Variants in DEPDC7 observed in about 807,000 individuals in gnomAD.
DEPDC7 encodes the protein DEP domain containing 7.
A neutral mutation model predicts 56.6 loss-of-function variants in DEPDC7; 41 were observed. The observed-to-expected ratio is 0.72, with a 90% CI of 0.56 to 0.94. The LOEUF is 0.94. Among genes scored for constraint, DEPDC7 ranks in the 40% least tolerant of loss-of-function variants. The probability of loss-of-function intolerance (pLI) is 0.00; values close to 1 mark genes in which losing one functional copy is unlikely to be tolerated. For synonymous variants in DEPDC7, 185 were observed against 208.8 expected (o/e 0.89, Z 0.98); for missense variants, 522 against 596.3 (o/e 0.88, Z 1.30).
intron 3 of DEPDC7, 164 bp downstream of exon 3, chr11:33,027,977 C>A: frequency 1.6e-6 from 1 of 633,910 alleles, no homozygotes; most frequent in Non-Finnish European, 2.4e-6. Context: ...AGTCTATTAT[C>A]TTTAACAAAT....
At position 33,032,791 on chromosome 11, in the gene DEPDC7, A is replaced by G. The variant is rs772493195; in HGVS notation, c.1261A>G (p.Lys421Glu). ...FLMDHQKDVF[K>E]IPGTLHKIVS... ...AATGGATCATCAGAAAGATGTTTTTAAGGTAAAATTGTGAAAGTAGTTAAA... is the reference window on the plus strand; with the variant it reads ...AATGGATCATCAGAAAGATGTTTTTGAGGTAAAATTGTGAAAGTAGTTAAA... Residue 421 changes from lysine (K) to glutamate (E), a missense_variant and splice_region_variant, in exon 7 of 9, where the codon AAG (lysine) becomes GAG (glutamate). Lys to Glu is a moderately conservative substitution (Grantham distance 56, BLOSUM62 1). Transcript: ENST00000241051. 14 of 1,594,524 alleles carry G rather than the reference A, an allele frequency of 8.8e-6. No individual in the cohort carries two copies. The African/African-American group carries it at 1.4e-4, about 15-fold the overall frequency.
intron 4 of DEPDC7, among the ~76,000 whole-genome samples, chr11:33,030,825 C>T (rs1171097235): frequency 6.6e-6 from 1 of 152,192 alleles, no homozygotes; most frequent in East Asian, 1.9e-4. Context: ...CTCATGTGAT[C>T]CACCTGCCTC....
At chr11:33,016,708 T>C (rs1853466865) in intron 1 of DEPDC7, 2 of 860,492 alleles carry the variant, frequency 2.3e-6, no homozygotes, top group Admixed American at 2.3e-5. Flanking sequence ...ATCGTGTCTT[T>C]TGGGGGCAGT....
chr11:33,033,158 C>A lies in DEPDC7; in HGVS notation c.1343-104C>A. ...TGCTTACCATCTTCAGTGCATATTACAAAATGGGGAAGAAAAACATAAAGA... is the reference window on the plus strand; with the variant it reads ...TGCTTACCATCTTCAGTGCATATTAAAAAATGGGGAAGAAAAACATAAAGA... On this transcript the variant is annotated intron_variant, in intron 8 of 8. Transcript: ENST00000241051. 8 of 1,020,670 alleles carry A rather than the reference C, an allele frequency of 7.8e-6. No homozygotes were observed. The South Asian group carries it at 1.1e-4, about 14-fold the overall frequency. The allele number at this position is 1,020,670 out of a possible 1,614,324, so 63.2% of individuals were successfully genotyped here.
In DEPDC7 at chr11:33,027,774, T is replaced by C; in HGVS notation, c.553T>C (p.Ser185Pro). 6.3e-7 allele frequency: 1 copy of C among 1,576,666 alleles called. No homozygotes were observed. The highest frequency in any genetic ancestry group is 1.9e-5 in the Admixed American group (1 of 52,216). Residue 185 changes from serine to proline, a missense_variant, in exon 3 of 9, where the codon TCC (serine) becomes CCC (proline). Coordinates refer to ENST00000241051, the MANE Select transcript of DEPDC7 (RefSeq NM_001077242.2). ...AAATCTGAGTTTAAAGCCTGCCAACTCCCCTCATGTAAATATCTCTGCAAC... is the reference window on the plus strand; with the variant it reads ...AAATCTGAGTTTAAAGCCTGCCAACCCCCCTCATGTAAATATCTCTGCAAC... ...WENLSLKPAN[S>P]PHVNISATLS...
At chr11:33,017,137 T>C (rs1434421099) in intron 1 of DEPDC7, among the ~76,000 whole-genome samples, 3 of 152,250 alleles carry the variant, frequency 2.0e-5, no homozygotes, top group Admixed American at 2.0e-4. Flanking sequence ...AGAAAAATCA[T>C]AATATTGACC....
intron 4 of DEPDC7, among the ~76,000 whole-genome samples, chr11:33,029,326 C>G (rs1032042224): frequency 6.6e-6 from 1 of 151,260 alleles, no homozygotes. Flanking sequence ...GGTAAAACCC[C>G]GACTCTACTA....
At chr11:33,019,846 A>C (rs1366583059) in intron 1 of DEPDC7, among the ~76,000 whole-genome samples, 1 of 150,518 alleles carries the variant, frequency 6.6e-6, no homozygotes, top group African/African-American at 2.4e-5. Context: ...TAAAAGTTTT[A>C]TGGAGAAACA....
chr11:33,032,814 A>G (rs368872755), intron 7 of DEPDC7, 21 bp downstream of exon 7: 3 of 1,594,378 alleles, frequency 1.9e-6, no homozygotes, highest in Non-Finnish European at 2.6e-6. Context: ...GAAAGTAGTT[A>G]AATTGAGCTT....
Position 33,031,580 on chromosome 11 carries a change from G to T in DEPDC7, c.985G>T (p.Glu329Ter). ...ATCTGACGTTCATAATGGAATTGCA[G>T]AACTCTTAGGTAAGTAAGATCTAAC... ...HLSDVHNGIA[E>*]LLVNGKTEIA... Residue 329 changes from glutamate to a stop codon, truncating the protein, a stop_gained, in exon 5 of 9, where the codon GAA becomes TAA. Coordinates refer to ENST00000241051, the MANE Select transcript of DEPDC7 (RefSeq NM_001077242.2). LOFTEE classifies it high-confidence loss of function. 1 of 1,611,626 alleles carries T rather than the reference G, an allele frequency of 6.2e-7. No individual in the cohort carries two copies. The highest frequency in any genetic ancestry group is 1.1e-5 in the South Asian group (1 of 91,018).
chr11:33,028,432 A>G, intron 3 of DEPDC7, 171 bp from the exon 4 acceptor site: 2 of 536,250 alleles, frequency 3.7e-6, no homozygotes, highest in Non-Finnish European at 6.4e-6. Context: ...CCTACACTCT[A>G]AACAAATCTT....
At chr11:33,022,676 C>T (rs1853534904) in intron 1 of DEPDC7, among the ~76,000 whole-genome samples, 1 of 152,138 alleles carries the variant, frequency 6.6e-6, no homozygotes, top group African/African-American at 2.4e-5. Flanking sequence ...AATGTTTAGG[C>T]ATTGTGGCTG....
In DEPDC7 at chr11:33,025,738, A is replaced by G. The variant is rs749424506; in HGVS notation, c.153A>G (p.Glu51=). The change falls in exon 2 of 9, where the codon GAA becomes GAG. Residue 51 remains glutamate (E), a synonymous_variant. Transcript: ENST00000241051. ...SIINTLQTQV[E]VKKRRHRLKR... is the part of the protein sequence containing the mutation. ...TAAACACTCTTCAAACACAAGTGGA[A>G]GTGAAAAAACGAAGGCACCGTTTAA... The G allele has an allele frequency of 6.2e-6, 10 of 1,614,098 alleles. No homozygotes were observed. The highest frequency in any genetic ancestry group is 1.3e-5 in the African/African-American group (1 of 74,942).
At position 33,027,772 on chromosome 11, in the gene DEPDC7, A is replaced by T; in HGVS notation, c.551A>T (p.Asn184Ile). ...GAAAATCTGAGTTTAAAGCCTGCCA[A>T]CTCCCCTCATGTAAATATCTCTGCA... The part of the protein sequence containing the change: ...LWENLSLKPA[N>I]SPHVNISATL... Residue 184 changes from asparagine (N) to isoleucine (I), a missense_variant, in exon 3 of 9, where the codon AAC becomes ATC. By Grantham distance (149) the Asn-to-Ile change is moderately radical. Coordinates refer to ENST00000241051, the MANE Select transcript of DEPDC7 (RefSeq NM_001077242.2). The T allele has an allele frequency of 6.3e-7, 1 of 1,577,030 alleles. No homozygotes were observed. Among genetic ancestry groups the T allele is most frequent in the African/African-American group, 1.4e-5 (1 of 72,504 alleles).
At chr11:33,033,133 T>G in intron 8 of DEPDC7, 129 bp from the exon 9 acceptor site, 1 of 881,426 alleles carries the variant, frequency 1.1e-6, no homozygotes, top group East Asian at 2.6e-5. Context: ...AAGTCAGCAG[T>G]GCTTACCATC....
At chr11:33,022,924 A>G (rs1207692731) in intron 1 of DEPDC7, among the ~76,000 whole-genome samples, 16 of 152,206 alleles carry the variant, frequency 1.1e-4, no homozygotes, top group African/African-American at 3.9e-4. Context: ...GTACTGGCTT[A>G]TGAAATATCT....
chr11:33,026,647 C>T (rs1853581176), intron 2 of DEPDC7: 2 of 162,226 alleles, frequency 1.2e-5, no homozygotes, highest in Admixed American at 5.7e-5. Context: ...CTTACCCTCT[C>T]ACCCAGACTG....
chr11:33,018,464 A>C (rs1853488769), intron 1 of DEPDC7, among the ~76,000 whole-genome samples: 2 of 152,178 alleles, frequency 1.3e-5, no homozygotes, highest in Non-Finnish European at 2.9e-5. Context: ...TTCTGATGAA[A>C]AGTTAAATCC....
intron 3 of DEPDC7, 137 bp downstream of exon 3, chr11:33,027,950 T>C: frequency 2.4e-6 from 2 of 828,498 alleles, no homozygotes; most frequent in South Asian, 2.6e-5. Context: ...AAGCTGTTTA[T>C]GTTCAATTTT....
Sources: gnomAD v4.1 joint callset for allele counts (sites outside exome capture counted in the v4.1 genomes callset) on GRCh38, gnomAD v4.1.1 for gene constraint, MANE v1.5 for transcripts, NCBI Gene and HGNC (gene_info 2026-07-23, HGNC 2026-07-21) for gene names.